The following HS3ST5 variants were observed in gnomAD, a reference collection of about 807,000 sequenced individuals.
The protein encoded by HS3ST5 is heparan sulfate glucosamine 3-O-sulfotransferase 5.
Under a neutral mutation model 25.4 loss-of-function variants are expected in HS3ST5, and 10 were observed. The ratio of observed to expected loss-of-function variants is 0.39; its 90% CI spans 0.24 to 0.67. The LOEUF is 0.67. Ranked by LOEUF, HS3ST5 falls within the 30% of genes least tolerant of loss-of-function variation. The pLI is 0.44. For missense variants in HS3ST5, 324 were observed against 420.7 expected (o/e 0.77, Z 2.01); for synonymous variants, 170 against 162.4 (o/e 1.05, Z -0.36).
chr6:114,097,421 A>C (rs1775490782), intron 3 of HS3ST5, among the ~76,000 whole-genome samples: 1 of 151,956 alleles, frequency 6.6e-6, no homozygotes, highest in Non-Finnish European at 1.5e-5. Flanking sequence ...AAACATATTA[A>C]AACAAAAGCA....
At chr6:114,300,386 C>A (rs1023222529) in intron 1 of HS3ST5, among the ~76,000 whole-genome samples, 1 of 152,086 alleles carries the variant, frequency 6.6e-6, no homozygotes, top group South Asian at 2.1e-4. Flanking sequence ...AAATGGTCAA[C>A]AAGCACATGA....
chr6:114,150,630 G>A (rs1273792978), intron 3 of HS3ST5, among the ~76,000 whole-genome samples: 2 of 152,148 alleles, frequency 1.3e-5, no homozygotes, highest in South Asian at 4.1e-4. Flanking sequence ...CAAGCTGTCT[G>A]GGTGTGATGG....
At chr6:114,316,000 A>C (rs1448831895) in intron 1 of HS3ST5, among the ~76,000 whole-genome samples, 1 of 152,106 alleles carries the variant, frequency 6.6e-6, no homozygotes, top group African/African-American at 2.4e-5. Context: ...AGAGCATTTC[A>C]TTTCTTCTGA....
At chr6:114,217,303 T>G (rs2114469477) in intron 2 of HS3ST5, among the ~76,000 whole-genome samples, 1 of 152,346 alleles carries the variant, frequency 6.6e-6, no homozygotes, top group Admixed American at 6.5e-5. Flanking sequence ...ATTTAAATCC[T>G]TTTCCAAAGC....
intron 3 of HS3ST5, among the ~76,000 whole-genome samples, chr6:114,099,781 A>G (rs1439845997): frequency 2.0e-5 from 3 of 152,134 alleles, no homozygotes; most frequent in Admixed American, 2.0e-4. Flanking sequence ...ATTAGCGTCC[A>G]TGCTTTATCC....
intron 2 of HS3ST5, among the ~76,000 whole-genome samples, chr6:114,224,407 A>T (rs1334722487): frequency 6.6e-6 from 1 of 151,558 alleles, no homozygotes; most frequent in Non-Finnish European, 1.5e-5. Context: ...ATAGGCTCAC[A>T]TAATAAATTA....
intron 3 of HS3ST5, among the ~76,000 whole-genome samples, chr6:114,127,883 TAG>T (rs1052941552): frequency 1.1e-4 from 16 of 150,042 alleles, no homozygotes; most frequent in Non-Finnish European, 1.6e-4. Flanking sequence ...GACTTATATA[TAG>T]AGAGAGAGAG....
intron 1 of HS3ST5, among the ~76,000 whole-genome samples, chr6:114,248,760 G>A (rs1772504432): frequency 6.6e-6 from 1 of 152,198 alleles, no homozygotes; most frequent in African/African-American, 2.4e-5. Flanking sequence ...CAAGATAGAA[G>A]CATAATTTTA....
At chr6:114,103,290 C>T (rs1025110599) in intron 3 of HS3ST5, among the ~76,000 whole-genome samples, 5 of 151,726 alleles carry the variant, frequency 3.3e-5, no homozygotes, top group Non-Finnish European at 5.9e-5. Context: ...ATTATCGCAC[C>T]ACTGCACTCC....
At chr6:114,064,177 G>C (rs905353987) in intron 3 of HS3ST5, among the ~76,000 whole-genome samples, 3 of 152,190 alleles carry the variant, frequency 2.0e-5, no homozygotes, top group Non-Finnish European at 2.9e-5. Context: ...TTGCTGCAAT[G>C]ATATCTCTGT....
intron 3 of HS3ST5, among the ~76,000 whole-genome samples, chr6:114,137,461 G>C (rs1777682721): frequency 6.6e-6 from 1 of 152,120 alleles, no homozygotes; most frequent in South Asian, 2.1e-4. Flanking sequence ...ACTGGGTTTT[G>C]AACTTGGTGT....
intron 3 of HS3ST5, among the ~76,000 whole-genome samples, chr6:114,145,239 A>T (rs1778100409): frequency 6.6e-6 from 1 of 152,188 alleles, no homozygotes; most frequent in African/African-American, 2.4e-5. Flanking sequence ...TATCTCACAC[A>T]GCTCAAAGAC....
chr6:114,283,234 G>A (rs1263191452), intron 1 of HS3ST5, among the ~76,000 whole-genome samples: 2 of 151,516 alleles, frequency 1.3e-5, no homozygotes, highest in Admixed American at 6.6e-5. Flanking sequence ...ACCAACCTTG[G>A]TTTTCCTTTA....
chr6:114,242,079 A>G (rs1296061858), intron 1 of HS3ST5, among the ~76,000 whole-genome samples: 2 of 152,190 alleles, frequency 1.3e-5, no homozygotes, highest in Non-Finnish European at 2.9e-5. Flanking sequence ...TTCGTAGTCT[A>G]TAATTTCACT....
At chr6:114,072,274 T>A (rs1773866041) in intron 3 of HS3ST5, among the ~76,000 whole-genome samples, 1 of 151,804 alleles carries the variant, frequency 6.6e-6, no homozygotes, top group African/African-American at 2.4e-5. Flanking sequence ...CTCATACACT[T>A]TTCTGAATTC....
intron 3 of HS3ST5, among the ~76,000 whole-genome samples, chr6:114,086,196 G>A (rs1471402755): frequency 6.6e-6 from 1 of 152,132 alleles, no homozygotes; most frequent in Non-Finnish European, 1.5e-5. Context: ...AGATTTTGCA[G>A]ATTGTAATTA....
intron 3 of HS3ST5, among the ~76,000 whole-genome samples, chr6:114,115,151 T>A (rs933261233): frequency 2.6e-5 from 4 of 152,126 alleles, no homozygotes; most frequent in Non-Finnish European, 5.9e-5. Context: ...CTGTCTCACA[T>A]GAAAAAGGCA....
intron 1 of HS3ST5, among the ~76,000 whole-genome samples, chr6:114,232,747 T>C (rs1771657111): frequency 6.6e-6 from 1 of 152,162 alleles, no homozygotes; most frequent in Non-Finnish European, 1.5e-5. Context: ...AATCATCAGA[T>C]CCTTTTGATT....
intron 3 of HS3ST5, among the ~76,000 whole-genome samples, chr6:114,149,417 T>C (rs1778342083): frequency 6.6e-6 from 1 of 152,216 alleles, no homozygotes; most frequent in Admixed American, 6.5e-5. Context: ...AAGGATGAGT[T>C]CATGTCCTTT....
Sources: allele counts gnomAD v4.1 joint callset (sites outside exome capture counted in the v4.1 genomes callset), GRCh38; gene constraint gnomAD v4.1.1; transcripts MANE v1.5; gene names NCBI Gene and HGNC (gene_info 2026-07-23, HGNC 2026-07-21).